Variants in CNTN4 observed in about 807,000 individuals in gnomAD.
CNTN4 encodes the protein contactin 4, also known as contactin-4.
A neutral mutation model predicts 122.5 loss-of-function variants in CNTN4; 77 were observed. That is an observed-to-expected ratio of 0.63 (90% CI 0.52 to 0.76). The LOEUF is 0.76. Ranked by LOEUF, CNTN4 falls within the 30% of genes least tolerant of loss-of-function variation. The pLI is 0.00. For synonymous variants in CNTN4, 512 were observed against 447.0 expected, an observed-to-expected ratio of 1.15 and a Z score of -1.83; for missense variants, 1,256 against 1,259.1, an observed-to-expected ratio of 1.00 and a Z score of 0.04.
intron 13 of CNTN4, among the ~76,000 whole-genome samples, chr3:2,986,776 T>G (rs1694618547): frequency 6.6e-6 from 1 of 152,202 alleles, no homozygotes; most frequent in Non-Finnish European, 1.5e-5. Flanking sequence ...AGGTTATTTA[T>G]TTATTCATGT....
chr3:2,727,032 T>C (rs2088278782), intron 4 of CNTN4, among the ~76,000 whole-genome samples: 1 of 152,204 alleles, frequency 6.6e-6, no homozygotes, highest in African/African-American at 2.4e-5. Context: ...CTATAACTAT[T>C]ATTAGTCCTC....
At chr3:2,220,445 A>G (rs2039018408) in intron 2 of CNTN4, among the ~76,000 whole-genome samples, 1 of 152,142 alleles carries the variant, frequency 6.6e-6, no homozygotes, top group Non-Finnish European at 1.5e-5. Context: ...TTCTTAGCCA[A>G]GGTATTGATT....
At chr3:2,342,614 G>C (rs1369213843) in intron 3 of CNTN4, among the ~76,000 whole-genome samples, 2 of 152,140 alleles carry the variant, frequency 1.3e-5, no homozygotes, top group Non-Finnish European at 2.9e-5. Context: ...GTAACAGTGA[G>C]TGAGTTCTCA....
At chr3:2,918,859 A>G (rs1337198747) in intron 12 of CNTN4, among the ~76,000 whole-genome samples, 1 of 152,200 alleles carries the variant, frequency 6.6e-6, no homozygotes, top group African/African-American at 2.4e-5. Flanking sequence ...ACCCTATATG[A>G]AGGGGAGAAA....
chr3:2,758,544 G>A (rs1355169027), intron 6 of CNTN4, among the ~76,000 whole-genome samples: 6 of 118,122 alleles, frequency 5.1e-5, no homozygotes, highest in African/African-American at 1.7e-4. Context: ...TTGAGACGGA[G>A]TCTCCCTCTG....
chr3:2,099,885 T>C (rs778535326), intron 1 of CNTN4: 16 of 152,262 alleles, frequency 1.1e-4, no homozygotes, highest in Non-Finnish European at 2.1e-4. Flanking sequence ...GCTTCGTGTA[T>C]ATGTTTTACT....
chr3:2,796,633 A>G (rs2092191988), intron 6 of CNTN4, among the ~76,000 whole-genome samples: 2 of 152,342 alleles, frequency 1.3e-5, no homozygotes, highest in Admixed American at 1.3e-4. Context: ...ATGAATAAAG[A>G]TGAATACACA....
intron 2 of CNTN4, among the ~76,000 whole-genome samples, chr3:2,272,017 T>C (rs967884092): frequency 6.6e-6 from 1 of 152,170 alleles, no homozygotes; most frequent in Non-Finnish European, 1.5e-5. Flanking sequence ...TAGCAGGTTG[T>C]AAAACAGTAT....
intron 4 of CNTN4, among the ~76,000 whole-genome samples, chr3:2,588,261 C>T (rs1478799584): frequency 5.9e-5 from 9 of 152,138 alleles, no homozygotes; most frequent in Admixed American, 5.2e-4. Flanking sequence ...ATTTTAAAGA[C>T]ATGCTGGCAC....
chr3:3,021,586 G>C (rs964637587), intron 14 of CNTN4, among the ~76,000 whole-genome samples: 2 of 152,154 alleles, frequency 1.3e-5, no homozygotes, highest in Admixed American at 1.3e-4. Flanking sequence ...GTTAACAAAA[G>C]GGATGTGTCT....
At chr3:3,006,118 C>T (rs141589951) in intron 14 of CNTN4, among the ~76,000 whole-genome samples, 3,923 of 152,090 alleles carry the variant, frequency 0.026, 59 homozygotes, top group Middle Eastern at 0.044. Flanking sequence ...CCTTGTGATC[C>T]GCCCGCCTCG....
At chr3:2,202,382 G>T (rs1399881937) in intron 2 of CNTN4, among the ~76,000 whole-genome samples, 1 of 152,128 alleles carries the variant, frequency 6.6e-6, no homozygotes, top group African/African-American at 2.4e-5. Context: ...TCTAATTTCA[G>T]CCTCATTACT....
chr3:2,117,015 C>T (rs556245733), intron 2 of CNTN4, among the ~76,000 whole-genome samples: 3 of 152,260 alleles, frequency 2.0e-5, no homozygotes, highest in Admixed American at 2.0e-4. Context: ...CCAGCAGACA[C>T]TAACTCAGCG....
chr3:2,476,179 A>G (rs1237818316), intron 3 of CNTN4, among the ~76,000 whole-genome samples: 1 of 152,196 alleles, frequency 6.6e-6, no homozygotes, highest in African/African-American at 2.4e-5. Flanking sequence ...CTTTAATGGT[A>G]TCCTTGTGGA....
intron 3 of CNTN4, among the ~76,000 whole-genome samples, chr3:2,364,313 A>G (rs902939389): frequency 4.6e-5 from 7 of 152,222 alleles, no homozygotes; most frequent in African/African-American, 1.7e-4. Flanking sequence ...AGTATTAGAT[A>G]GAAATTCATT....
In CNTN4 at chr3:2,397,972, G is replaced by T. The variant is rs150885860; in HGVS notation, c.-89+58739G>T. Among the ~76,000 whole-genome samples, 490 of 152,130 alleles carry T rather than the reference G, an allele frequency of 3.2e-3. 2 individuals are homozygous for T. The highest frequency in any genetic ancestry group is 0.011 in the African/African-American group (472 of 41,518). The stretch of plus-strand genomic sequence containing the variant: ...AGTGTATTCATTCTATTAAAAAATG[G>T]CTAAATATGAAAATGGCTTGAGTGA... On this transcript the variant is annotated intron_variant, in intron 3 of 24. Transcript: ENST00000418658.
chr3:2,371,084 G>A (rs1316450437), intron 3 of CNTN4, among the ~76,000 whole-genome samples: 1 of 152,186 alleles, frequency 6.6e-6, no homozygotes, highest in African/African-American at 2.4e-5. Flanking sequence ...GGGAGAATGT[G>A]TAGAATGGTT....
intron 3 of CNTN4, among the ~76,000 whole-genome samples, chr3:2,410,128 T>A (rs1430919690): frequency 6.6e-6 from 1 of 152,228 alleles, no homozygotes; most frequent in East Asian, 1.9e-4. Context: ...GCACATTTAA[T>A]CATTTTTCTT....
chr3:3,010,001 AC>A (rs147359078), intron 14 of CNTN4, among the ~76,000 whole-genome samples: 9,927 of 152,050 alleles, frequency 0.065, 518 homozygotes, highest in Non-Finnish European at 0.088. Flanking sequence ...TTGGAAGAAC[AC>A]AGAACTCAAC....
Sources: allele counts gnomAD v4.1 joint callset (sites outside exome capture counted in the v4.1 genomes callset), GRCh38; gene constraint gnomAD v4.1.1; transcripts MANE v1.5; gene names NCBI Gene and HGNC (gene_info 2026-07-23, HGNC 2026-07-21).